The following KCNIP1 variants were observed in gnomAD, a reference collection of about 807,000 sequenced individuals.
KCNIP1 encodes potassium voltage-gated channel interacting protein 1, also known as A-type potassium channel modulatory protein KCNIP1.
Under a neutral mutation model 33.0 loss-of-function variants are expected in KCNIP1, and 18 were observed. That is an observed-to-expected ratio of 0.55 (90% CI 0.38 to 0.81). The LOEUF (loss-of-function observed/expected upper bound fraction) is 0.81, where lower values mean the gene tolerates loss of function less well. Among genes scored for constraint, KCNIP1 ranks in the 30% least tolerant of loss-of-function variants. The pLI is 0.00. For synonymous variants in KCNIP1, 93 were observed against 98.3 expected, an observed-to-expected ratio of 0.95 and a Z score of 0.32; for missense variants, 238 against 271.6, an observed-to-expected ratio of 0.88 and a Z score of 0.87.
chr5:170,583,867 A>G (rs965725470), intron 1 of KCNIP1, among the ~76,000 whole-genome samples: 1 of 152,230 alleles, frequency 6.6e-6, no homozygotes, highest in South Asian at 2.1e-4. Context: ...TTGTGGCTGC[A>G]TAACAGTTGT....
At chr5:170,425,333 C>A (rs1486680680) in intron 1 of KCNIP1, among the ~76,000 whole-genome samples, 1 of 152,156 alleles carries the variant, frequency 6.6e-6, no homozygotes, top group Non-Finnish European at 1.5e-5. Flanking sequence ...TTGGGTGAAC[C>A]CTGACCTGGC....
intron 1 of KCNIP1, among the ~76,000 whole-genome samples, chr5:170,583,319 C>T (rs1011984656): frequency 2.0e-5 from 3 of 152,228 alleles, no homozygotes; most frequent in Admixed American, 6.5e-5. Flanking sequence ...TATACCTCTA[C>T]AGCTCATCTG....
intron 1 of KCNIP1, among the ~76,000 whole-genome samples, chr5:170,525,111 T>C (rs1755520233): frequency 6.6e-6 from 1 of 152,210 alleles, no homozygotes; most frequent in Non-Finnish European, 1.5e-5. Context: ...ACTGGGTGCC[T>C]GCTCTGAGAC....
intron 1 of KCNIP1, among the ~76,000 whole-genome samples, chr5:170,409,275 G>A (rs1755116722): frequency 6.6e-6 from 1 of 152,118 alleles, no homozygotes; most frequent in South Asian, 2.1e-4. Flanking sequence ...CTGGGAGTGG[G>A]TTCATAATTT....
chr5:170,713,018 C>G, intron 1 of KCNIP1: 1 of 763,756 alleles, frequency 1.3e-6, no homozygotes, highest in East Asian at 2.5e-5. Flanking sequence ...ACAAGCCCCA[C>G]ATATATAGAA....
chr5:170,460,367 C>T (rs955701157), intron 1 of KCNIP1, among the ~76,000 whole-genome samples: 2 of 152,022 alleles, frequency 1.3e-5, no homozygotes, highest in African/African-American at 4.8e-5. Flanking sequence ...ATACCAAAAC[C>T]AGGAAAGGAC....
At chr5:170,514,283 C>T (rs184185529) in intron 1 of KCNIP1, among the ~76,000 whole-genome samples, 1 of 152,338 alleles carries the variant, frequency 6.6e-6, no homozygotes, top group Non-Finnish European at 1.5e-5. Context: ...GGCACATTTG[C>T]ATCCGTGTGG....
chr5:170,355,441 G>A lies in KCNIP1; in HGVS notation c.88+1477G>A, dbSNP rs1308601728. Among the ~76,000 whole-genome samples, 7 of 152,206 alleles carry A rather than the reference G, an allele frequency of 4.6e-5. No individual in the cohort carries two copies. In the East Asian group the frequency reaches 1.2e-3, roughly 25 times the overall value. Reference sequence around the variant, plus strand: ...ATAGCAGGACCTAAGAGGGTAATGGGTGTGGGGCAGCAACCCATTGCAGCC... The same window carrying A: ...ATAGCAGGACCTAAGAGGGTAATGGATGTGGGGCAGCAACCCATTGCAGCC... On this transcript the variant is annotated intron_variant, in intron 1 of 7. Coordinates refer to the KCNIP1 transcript ENST00000377360.
chr5:170,353,751 G>A, exon 1 of KCNIP1: 1 of 803,694 alleles, frequency 1.2e-6, no homozygotes, highest in Non-Finnish European at 2.0e-6. Flanking sequence ...CCCGGAGCCT[G>A]GCTTCAGGGG....
intron 1 of KCNIP1, among the ~76,000 whole-genome samples, chr5:170,684,789 C>G (rs1762482923): frequency 1.3e-5 from 2 of 152,000 alleles, no homozygotes. Flanking sequence ...TCTCTTTTAT[C>G]TCTTTCCTCT....
chr5:170,512,292 G>A (rs1416582767), intron 1 of KCNIP1, among the ~76,000 whole-genome samples: 1 of 152,184 alleles, frequency 6.6e-6, no homozygotes, highest in East Asian at 1.9e-4. Context: ...ACACGGTCCA[G>A]GTGGGCAAGG....
chr5:170,513,985 A>C (rs147196062), intron 1 of KCNIP1, among the ~76,000 whole-genome samples: 99 of 152,268 alleles, frequency 6.5e-4, no homozygotes, highest in African/African-American at 2.2e-3. Flanking sequence ...AGATGCAGGG[A>C]GGTTCTTGAT....
At chr5:170,356,557 T>C (rs946988527) in intron 1 of KCNIP1, among the ~76,000 whole-genome samples, 1 of 152,204 alleles carries the variant, frequency 6.6e-6, no homozygotes, top group Non-Finnish European at 1.5e-5. Context: ...TGCTCACATA[T>C]CTCATCAACC....
At chr5:170,589,191 G>C (rs1271588346) in intron 1 of KCNIP1, among the ~76,000 whole-genome samples, 1 of 151,862 alleles carries the variant, frequency 6.6e-6, no homozygotes, top group Non-Finnish European at 1.5e-5. Flanking sequence ...AGTAGAGACG[G>C]GGTTTCACCA....
chr5:170,717,699 C>G (rs1266442870), intron 1 of KCNIP1, among the ~76,000 whole-genome samples: 1 of 152,162 alleles, frequency 6.6e-6, no homozygotes, highest in African/African-American at 2.4e-5. Flanking sequence ...TTTAATACAC[C>G]TGCTCACCTG....
intron 1 of KCNIP1, among the ~76,000 whole-genome samples, chr5:170,513,963 A>T (rs749103349): frequency 6.6e-6 from 1 of 152,316 alleles, no homozygotes; most frequent in Admixed American, 6.5e-5. Flanking sequence ...CACTTTGCAG[A>T]GTAGGAAACG....
At chr5:170,375,440 C>A (rs1480352228) in intron 1 of KCNIP1, 2 of 152,440 alleles carry the variant, frequency 1.3e-5, no homozygotes, top group Non-Finnish European at 2.9e-5. Context: ...ATGCCAGGGC[C>A]TCCCCTCAGA....
At chr5:170,444,287 A>ACC (rs996594186) in intron 1 of KCNIP1, among the ~76,000 whole-genome samples, 3 of 151,902 alleles carry the variant, frequency 2.0e-5, no homozygotes, top group Admixed American at 2.0e-4. Flanking sequence ...CTAGAGGCTG[A>ACC]CCCCATTCTT....
At chr5:170,445,606 G>A (rs940191167) in intron 1 of KCNIP1, among the ~76,000 whole-genome samples, 6 of 152,202 alleles carry the variant, frequency 3.9e-5, no homozygotes, top group Admixed American at 2.0e-4. Context: ...CACATGGCTA[G>A]TAAGTGTCAG....
Sources: gnomAD v4.1 joint callset for allele counts (sites outside exome capture counted in the v4.1 genomes callset) on GRCh38, gnomAD v4.1.1 for gene constraint, MANE v1.5 for transcripts, NCBI Gene and HGNC (gene_info 2026-07-23, HGNC 2026-07-21) for gene names.